VMP1: variants seen among roughly 807,000 people sequenced by gnomAD.
The protein encoded by VMP1 is vacuole membrane protein 1.
A neutral mutation model predicts 56.0 loss-of-function variants in VMP1; 11 were observed. That is an observed-to-expected ratio of 0.20 (90% CI 0.12 to 0.32). VMP1 has a LOEUF of 0.32. Among genes scored for constraint, VMP1 ranks in the 10% least tolerant of loss-of-function variants. The pLI, the probability that VMP1 is intolerant of heterozygous loss-of-function variation, is 1.00. For synonymous variants in VMP1, 149 were observed against 165.0 expected, an observed-to-expected ratio of 0.90 and a Z score of 0.74; for missense variants, 296 against 490.3, an observed-to-expected ratio of 0.60 and a Z score of 3.74.
intron 7 of VMP1, among the ~76,000 whole-genome samples, chr17:59,781,567 A>G (rs113496804): frequency 6.6e-6 from 1 of 152,118 alleles, no homozygotes; most frequent in African/African-American, 2.4e-5. Context: ...TCTTTTCTCT[A>G]TAAATATTTA....
intron 5 of VMP1, among the ~76,000 whole-genome samples, chr17:59,751,010 G>A (rs916495171): frequency 5.2e-5 from 7 of 133,770 alleles, no homozygotes; most frequent in Non-Finnish European, 9.1e-5. Context: ...TTAGCTCACT[G>A]CAAACCCCGC....
At chr17:59,811,391 A>C (rs2038046351) in intron 8 of VMP1, among the ~76,000 whole-genome samples, 1 of 152,146 alleles carries the variant, frequency 6.6e-6, no homozygotes, top group Admixed American at 6.6e-5. Flanking sequence ...CACACACACA[A>C]ACACACACAC....
intron 9 of VMP1, among the ~76,000 whole-genome samples, chr17:59,816,107 T>G (rs1465290144): frequency 1.3e-5 from 2 of 152,218 alleles, no homozygotes; most frequent in Non-Finnish European, 2.9e-5. Flanking sequence ...TTCTTAAATG[T>G]GTGACACATT....
intron 1 of VMP1, among the ~76,000 whole-genome samples, chr17:59,714,159 G>T (rs923759832): frequency 6.6e-6 from 1 of 151,946 alleles, no homozygotes; most frequent in Non-Finnish European, 1.5e-5. Flanking sequence ...TTATAGCCGT[G>T]GAAGCTGAAA....
chr17:59,729,307 A>G (rs922534178), intron 1 of VMP1, among the ~76,000 whole-genome samples: 1 of 151,872 alleles, frequency 6.6e-6, no homozygotes, highest in Non-Finnish European at 1.5e-5. Context: ...ACATGGTGAA[A>G]CCCCGTCTCT....
chr17:59,710,738 C>T (rs927175867), intron 1 of VMP1, among the ~76,000 whole-genome samples: 2 of 152,106 alleles, frequency 1.3e-5, no homozygotes, highest in African/African-American at 4.8e-5. Flanking sequence ...GACGGAGGAG[C>T]CTTAACACGT....
In VMP1 at chr17:59,804,711, T is replaced by C. The variant is rs2037791270; in HGVS notation, c.715-4085T>C. Among the ~76,000 whole-genome samples the C allele has an allele frequency of 7.2e-5, 11 of 152,120 alleles. No individual in the cohort carries two copies. In the South Asian group the frequency reaches 2.3e-3, roughly 32 times the overall value. On this transcript the variant is annotated intron_variant, in intron 7 of 11. Coordinates refer to ENST00000262291, the MANE Select transcript of VMP1 (RefSeq NM_030938.5). ...AAATCTAAACATTAAACTTTAGTTA[T>C]TTTACTATTTTAAAATACCAATGCA...
intron 10 of VMP1, among the ~76,000 whole-genome samples, chr17:59,828,867 G>A (rs931940332): frequency 2.0e-5 from 3 of 152,298 alleles, no homozygotes; most frequent in South Asian, 4.1e-4. Context: ...TGTAATCCCA[G>A]CATTTTGGGA....
At chr17:59,710,326 T>C (rs2143683680) in intron 1 of VMP1, among the ~76,000 whole-genome samples, 1 of 152,334 alleles carries the variant, frequency 6.6e-6, no homozygotes, top group East Asian at 1.9e-4. Context: ...CAGTAATTAG[T>C]AATTGGCTTG....
At chr17:59,794,759 G>A (rs1160020865) in intron 7 of VMP1, among the ~76,000 whole-genome samples, 3 of 148,714 alleles carry the variant, frequency 2.0e-5, no homozygotes, top group Admixed American at 6.7e-5. Context: ...TCCTGAAACC[G>A]TATTTCTTCC....
intron 1 of VMP1, among the ~76,000 whole-genome samples, chr17:59,709,084 T>C (rs946962138): frequency 1.3e-5 from 2 of 152,214 alleles, no homozygotes; most frequent in African/African-American, 2.4e-5. Context: ...TACCTATAGC[T>C]AGTTAAATCA....
rs2036143110 is a variant in VMP1 at position 59,763,861 on chromosome 17, GTATA to G, written c.415-1104_415-1101del. ...AATATAATTAGTAATAAAATCTCGT[GTATA>G]TATATGTAAATAATTTTATTCTACA... On this transcript the variant is annotated intron_variant, in intron 5 of 11. Coordinates refer to ENST00000262291, the MANE Select transcript of VMP1 (RefSeq NM_030938.5). Among the ~76,000 whole-genome samples, 3 of 152,240 alleles carry G rather than the reference GTATA, an allele frequency of 2.0e-5. No homozygotes were observed. The South Asian group carries it at 6.2e-4, about 32-fold the overall frequency.
rs1480571111 is a variant in VMP1, at chr17:59,840,344, C to G, written c.*433C>G. The G allele has an allele frequency of 5.9e-6, 1 of 170,508 alleles. No homozygotes were observed. The highest frequency in any genetic ancestry group is 2.4e-5 in the African/African-American group (1 of 41,510). 10.6% of individuals were successfully genotyped at this position (170,508 alleles called of 1,614,324 possible). The stretch of plus-strand genomic sequence containing the variant: ...TATATAAATTATCTAGATTGGATAA[C>G]AGTCTTGCATGTTTATCATGTTACA... On this transcript the variant is annotated 3_prime_UTR_variant, in exon 12 of 12. Coordinates refer to ENST00000262291, the MANE Select transcript of VMP1 (RefSeq NM_030938.5).
At chr17:59,789,284 G>A (rs1413022734) in intron 7 of VMP1, among the ~76,000 whole-genome samples, 2 of 150,452 alleles carry the variant, frequency 1.3e-5, no homozygotes, top group Non-Finnish European at 3.0e-5. Flanking sequence ...TTGGCTGGGC[G>A]CAGTGGTTTA....
chr17:59,707,804 T>G (rs1438945486), intron 1 of VMP1, 56 bp downstream of exon 1: 1 of 152,258 alleles, frequency 6.6e-6, no homozygotes, highest in Non-Finnish European at 1.5e-5. Flanking sequence ...TCCTCAGAGC[T>G]TGGCGTCTTC....
At chr17:59,770,688 C>A (rs933999694) in intron 6 of VMP1, among the ~76,000 whole-genome samples, 15 of 151,504 alleles carry the variant, frequency 9.9e-5, no homozygotes, top group Admixed American at 7.2e-4. Flanking sequence ...TCCCACAATT[C>A]TCCTGCCTCA....
chr17:59,764,368 G>T (rs1469249841), intron 5 of VMP1, among the ~76,000 whole-genome samples: 1 of 152,156 alleles, frequency 6.6e-6, no homozygotes, highest in Non-Finnish European at 1.5e-5. Flanking sequence ...TTGTTCCGTT[G>T]TCCAGACTGG....
intron 7 of VMP1, among the ~76,000 whole-genome samples, chr17:59,794,854 A>G (rs1441699592): frequency 6.6e-6 from 1 of 151,858 alleles, no homozygotes; most frequent in Non-Finnish European, 1.5e-5. Context: ...AATCATAGTG[A>G]AATAATCATT....
At chr17:59,812,458 TAGAG>T (rs2038084470) in intron 9 of VMP1, among the ~76,000 whole-genome samples, 1 of 152,090 alleles carries the variant, frequency 6.6e-6, no homozygotes, top group Non-Finnish European at 1.5e-5. Flanking sequence ...CATATATGAA[TAGAG>T]AGGAGAGAAA....
Sources: gnomAD v4.1 joint callset for allele counts (sites outside exome capture counted in the v4.1 genomes callset) on GRCh38, gnomAD v4.1.1 for gene constraint, MANE v1.5 for transcripts, NCBI Gene and HGNC (gene_info 2026-07-23, HGNC 2026-07-21) for gene names.